Variants in BOP1 observed in about 807,000 individuals in gnomAD.
The protein encoded by BOP1 is BOP1 ribosomal biogenesis factor.
BOP1 carries 54 observed loss-of-function variants against 82.9 expected under a neutral mutation model. That is an observed-to-expected ratio of 0.65 (90% CI 0.52 to 0.82). The LOEUF (loss-of-function observed/expected upper bound fraction) is 0.82, where lower values mean the gene tolerates loss of function less well. Ranked by LOEUF, BOP1 falls within the 40% of genes least tolerant of loss-of-function variation. BOP1 has a pLI of 0.00. For missense variants in BOP1, 1,170 were observed against 1,072.0 expected, an observed-to-expected ratio of 1.09 and a Z score of -1.28; for synonymous variants, 566 against 451.1, an observed-to-expected ratio of 1.25 and a Z score of -3.23.
chr8:144,281,741 A>G (rs1845688027), intron 2 of BOP1: 1 of 152,160 alleles, frequency 6.6e-6, no homozygotes, highest in Admixed American at 6.6e-5. Context: ...AGCTTACTCT[A>G]ACTTCCGCCT....
chr8:144,271,042 CAT>C (rs1554837710), intron 3 of BOP1, among the ~76,000 whole-genome samples: 6 of 151,792 alleles, frequency 4.0e-5, no homozygotes, highest in African/African-American at 7.2e-5. Context: ...CCAGGAAACA[CAT>C]GTGACCCCTC....
At chr8:144,275,014 CTG>C (rs1184813631) in intron 3 of BOP1, among the ~76,000 whole-genome samples, 3 of 152,120 alleles carry the variant, frequency 2.0e-5, no homozygotes, top group Admixed American at 6.5e-5. Flanking sequence ...TGTTTTGTCT[CTG>C]TTCTCTGAAC....
chr8:144,273,717 T>G (rs1845528986), intron 3 of BOP1, among the ~76,000 whole-genome samples: 1 of 152,058 alleles, frequency 6.6e-6, no homozygotes, highest in African/African-American at 2.4e-5. Flanking sequence ...ATCACGTCTG[T>G]GAAGCTCCAG....
chr8:144,280,660 C>A (rs1464571759), intron 2 of BOP1, among the ~76,000 whole-genome samples: 1 of 152,206 alleles, frequency 6.6e-6, no homozygotes, highest in Non-Finnish European at 1.5e-5. Context: ...CGAGACCAGA[C>A]TGGCCTACAT....
chr8:144,290,831 A>G (rs1554840084), intron 1 of BOP1, among the ~76,000 whole-genome samples: 1 of 152,224 alleles, frequency 6.6e-6, no homozygotes, highest in Non-Finnish European at 1.5e-5. Context: ...GGGCTGAGCT[A>G]GCAGAGAGCA....
At chr8:144,267,262 A>C in intron 3 of BOP1, 1 of 1,408,294 alleles carries the variant, frequency 7.1e-7, no homozygotes, top group Non-Finnish European at 9.2e-7. Flanking sequence ...AGGCGAGGCC[A>C]CACGGGCAGG....
chr8:144,271,091 G>C (rs1048242346), intron 3 of BOP1, among the ~76,000 whole-genome samples: 6 of 151,872 alleles, frequency 4.0e-5, no homozygotes, highest in African/African-American at 1.5e-4. Context: ...CGGCCGGCCG[G>C]CCGGGGGCAC....
Position 144,276,081 on chromosome 8 carries a change from C to A in BOP1, c.390+143G>T. On this transcript the variant is annotated intron_variant, in intron 3 of 15. Transcript: ENST00000569669. ...TGCAGATGGGGAAGCAGGACGCCCA[C>A]GTGGGCCTCGGCTCCAACAGTGCGG... 3.2e-6 allele frequency: 3 copies of A among 923,862 alleles called. No individual in the cohort carries two copies. The South Asian group carries it at 4.0e-5, about 12-fold the overall frequency. The allele number at this position is 923,862 out of a possible 1,614,324, so 57.2% of individuals were successfully genotyped here.
chr8:144,268,288 C>A, intron 3 of BOP1: 2 of 1,220,298 alleles, frequency 1.6e-6, no homozygotes, highest in South Asian at 1.5e-5. Flanking sequence ...CGAGCGGGGC[C>A]GAGGGACAGA....
At chr8:144,270,435 G>A (rs1554837654) in intron 3 of BOP1, among the ~76,000 whole-genome samples, 1 of 152,168 alleles carries the variant, frequency 6.6e-6, no homozygotes, top group East Asian at 1.9e-4. Flanking sequence ...GCTGGTTGGG[G>A]TGCAGCACTC....
chr8:144,267,179 T>C, intron 3 of BOP1: 2 of 1,525,850 alleles, frequency 1.3e-6, no homozygotes, highest in Non-Finnish European at 1.7e-6. Context: ...CAGAGAAAGT[T>C]GGTGAGCACG....
rs1815073029 is a variant in BOP1, at chr8:144,291,415, G to A, written c.-45C>T. On this transcript the variant is annotated 5_prime_UTR_variant, in exon 1 of 16. Transcript: ENST00000569669. The surrounding 1 kb of genome is among the most constrained non-coding windows in gnomAD (Gnocchi z 4.1). ...GCCACCCGCACAGCCGCTTCCGACA[G>A]CGACCGGGCCGCGTGCGCAGGAGGA... 1 of 1,101,896 alleles carries A rather than the reference G, an allele frequency of 9.1e-7. No individual in the cohort carries two copies. Among genetic ancestry groups the A allele is most frequent in the East Asian group, 5.1e-5 (1 of 19,724 alleles). The allele number at this position is 1,101,896 out of a possible 1,614,324, so 68.3% of individuals were successfully genotyped here.
At chr8:144,281,054 T>TCAGTTTAATACCAGGTCTTCGGCCTTCC (rs1845666277) in intron 2 of BOP1, among the ~76,000 whole-genome samples, 1 of 149,350 alleles carries the variant, frequency 6.7e-6, no homozygotes, top group Non-Finnish European at 1.5e-5. Context: ...TTAGGCCTTC[T>TCAGTTTAATACCAGGTCTTCGGCCTTCC]CTCACTTTCA....
At chr8:144,267,115 C>G in intron 3 of BOP1, 15 of 1,472,886 alleles carry the variant, frequency 1.0e-5, no homozygotes, top group African/African-American at 1.5e-5. Flanking sequence ...GCCTCCCGCC[C>G]GCGACGGCGA....
Position 144,263,390 on chromosome 8 carries a change from A to G in BOP1, c.1436T>C (p.Val479Ala). The change falls in exon 12 of 16, where the codon GTG becomes GCG. Residue 479 changes from valine to alanine, a missense_variant. Transcript: ENST00000569669. ...CCCCAGAGCTGGGTTCAGCAGCAGCACCGAGTCCTCCCTGTGAGCCAGGCC... is the reference window on the plus strand; with the variant it reads ...CCCCAGAGCTGGGTTCAGCAGCAGCGCCGAGTCCTCCCTGTGAGCCAGGCC... The part of the protein sequence containing the change: ...CLVAAAVEDS[V>A]LLLNPALGDR... The G allele has an allele frequency of 6.3e-7, 1 of 1,597,590 alleles. No individual in the cohort carries two copies. Among genetic ancestry groups the G allele is most frequent in the South Asian group, 1.1e-5 (1 of 90,990 alleles).
chr8:144,283,411 G>A (rs1238003529), intron 2 of BOP1, among the ~76,000 whole-genome samples: 14 of 152,258 alleles, frequency 9.2e-5, no homozygotes, highest in East Asian at 7.7e-4. Context: ...GGATGATGCC[G>A]CCACAGGGAA....
intron 2 of BOP1, among the ~76,000 whole-genome samples, chr8:144,287,636 A>G (rs1382283107): frequency 2.0e-5 from 3 of 152,212 alleles, no homozygotes; most frequent in East Asian, 3.9e-4. Flanking sequence ...AGCTGCTGGG[A>G]TTACAGGTAT....
chr8:144,281,724 T>C (rs1845687928), intron 2 of BOP1: 1 of 152,242 alleles, frequency 6.6e-6, no homozygotes, highest in South Asian at 2.1e-4. Context: ...GGCAGTGGCA[T>C]GATCTCAGCT....
intron 3 of BOP1, among the ~76,000 whole-genome samples, chr8:144,267,943 G>A (rs1466165128): frequency 1.3e-5 from 2 of 152,248 alleles, no homozygotes; most frequent in Non-Finnish European, 2.9e-5. Context: ...CTGTGCAGCA[G>A]TATGCTCCCC....
Sources: gnomAD v4.1 joint callset for allele counts (sites outside exome capture counted in the v4.1 genomes callset) on GRCh38, gnomAD v4.1.1 for gene constraint, Gnocchi (gnomAD v3.1) non-coding constraint, MANE v1.5 for transcripts, NCBI Gene and HGNC (gene_info 2026-07-23, HGNC 2026-07-21) for gene names.